ANKFN1: variants seen among roughly 807,000 people sequenced by gnomAD.
ANKFN1 encodes the protein ankyrin repeat and fibronectin type III domain containing 1.
ANKFN1 carries 74 observed loss-of-function variants against 108.7 expected under a neutral mutation model. The ratio of observed to expected loss-of-function variants is 0.68; its 90% CI spans 0.56 to 0.83. The LOEUF is 0.83. Among genes scored for constraint, ANKFN1 ranks in the 40% least tolerant of loss-of-function variants. ANKFN1 has a pLI of 0.00. For synonymous variants in ANKFN1, 547 were observed against 516.2 expected, an observed-to-expected ratio of 1.06 and a Z score of -0.81; for missense variants, 1,505 against 1,382.3, an observed-to-expected ratio of 1.09 and a Z score of -1.41.
intron 8 of ANKFN1, among the ~76,000 whole-genome samples, chr17:56,420,699 T>C (rs567838892): frequency 7.2e-4 from 109 of 150,612 alleles, no homozygotes; most frequent in African/African-American, 2.5e-3. Context: ...TTTTTTTTTT[T>C]TTTTATTGTT....
At chr17:56,486,813 T>TGTGAATTATGG (rs2050872333) in intron 18 of ANKFN1, among the ~76,000 whole-genome samples, 1 of 152,348 alleles carries the variant, frequency 6.6e-6, no homozygotes, top group East Asian at 1.9e-4. Context: ...TATGGGAATA[T>TGTGAATTATGG]GTAAATTATA....
intron 4 of ANKFN1, among the ~76,000 whole-genome samples, chr17:56,145,597 T>C (rs1027075018): frequency 5.3e-5 from 8 of 152,122 alleles, no homozygotes; most frequent in Admixed American, 6.6e-5. Context: ...ACCACCCCCA[T>C]GATTCAATTA....
chr17:56,352,824 A>G (rs2046279444), intron 5 of ANKFN1, among the ~76,000 whole-genome samples: 1 of 152,184 alleles, frequency 6.6e-6, no homozygotes, highest in African/African-American at 2.4e-5. Context: ...AGTAACATGT[A>G]ACATGTATAT....
At chr17:56,203,855 GC>G (rs933116862) in intron 1 of ANKFN1, among the ~76,000 whole-genome samples, 4 of 152,060 alleles carry the variant, frequency 2.6e-5, no homozygotes, top group African/African-American at 9.7e-5. Flanking sequence ...CTAGCCCGGG[GC>G]ATCTATTTTT....
At chr17:56,174,499 G>A (rs1910951688) in intron 1 of ANKFN1, 1 of 823,708 alleles carries the variant, frequency 1.2e-6, no homozygotes, top group African/African-American at 1.9e-5. Context: ...CCCCTCCATG[G>A]AGTCTCTCTG....
intron 8 of ANKFN1, among the ~76,000 whole-genome samples, chr17:56,408,385 A>C (rs2047985950): frequency 6.6e-6 from 1 of 152,076 alleles, no homozygotes; most frequent in South Asian, 2.1e-4. Context: ...TCTTCGAGAC[A>C]CTCTAGTTAA....
intron 4 of ANKFN1, among the ~76,000 whole-genome samples, chr17:56,120,565 A>G (rs1268405874): frequency 6.6e-6 from 1 of 152,156 alleles, no homozygotes; most frequent in African/African-American, 2.4e-5. Context: ...AAAAATGCCC[A>G]CCTGATTACT....
intron 8 of ANKFN1, among the ~76,000 whole-genome samples, chr17:56,402,867 G>A (rs1173660894): frequency 6.6e-6 from 1 of 151,998 alleles, no homozygotes; most frequent in African/African-American, 2.4e-5. Flanking sequence ...TCTTAGCACC[G>A]CCTTGCTGTA....
chr17:56,414,771 G>C (rs1164251993), intron 8 of ANKFN1, among the ~76,000 whole-genome samples: 1 of 152,150 alleles, frequency 6.6e-6, no homozygotes, highest in Non-Finnish European at 1.5e-5. Flanking sequence ...TTTAATCCCA[G>C]CATTTGGAAG....
chr17:56,369,181 A>AT (rs1050221113), intron 6 of ANKFN1, among the ~76,000 whole-genome samples: 1 of 151,958 alleles, frequency 6.6e-6, no homozygotes, highest in Non-Finnish European at 1.5e-5. Context: ...TTGTTTGCAC[A>AT]TTTTTTTTAA....
intron 3 of ANKFN1, among the ~76,000 whole-genome samples, chr17:56,300,090 C>T (rs566755083): frequency 7.9e-5 from 12 of 152,278 alleles, no homozygotes; most frequent in Middle Eastern, 3.4e-3. Context: ...CATGGAGCTC[C>T]GTGTTTTCAC....
At chr17:56,441,058 A>T (rs1436011289) in intron 9 of ANKFN1, among the ~76,000 whole-genome samples, 1 of 152,194 alleles carries the variant, frequency 6.6e-6, no homozygotes, top group Non-Finnish European at 1.5e-5. Flanking sequence ...AATTATGAAC[A>T]TATGAGCATA....
rs760293804 is a variant in ANKFN1 at position 56,064,003 on chromosome 17, GT to G, written c.288+17679del. Among the ~76,000 whole-genome samples the G allele has an allele frequency of 1.8e-4, 28 of 152,280 alleles. No individual in the cohort carries two copies. The East Asian group carries it at 2.1e-3, about 12-fold the overall frequency. On this transcript the variant is annotated intron_variant, in intron 4 of 12. Transcript: ENST00000635860. ...CTTTCAATGGCCAGGTCCCTCTTCT[GT>G]AGGGCTGCTGCAGTTTGTTGGGGGT... is the stretch of plus-strand genomic sequence containing the variant.
chr17:56,415,907 C>T (rs997291680), intron 8 of ANKFN1, among the ~76,000 whole-genome samples: 19 of 152,006 alleles, frequency 1.2e-4, no homozygotes, highest in Admixed American at 2.0e-4. Flanking sequence ...AGAAACAAAT[C>T]GATACACCTA....
intron 2 of ANKFN1, among the ~76,000 whole-genome samples, chr17:56,213,052 T>A (rs947508431): frequency 2.6e-5 from 4 of 152,208 alleles, no homozygotes; most frequent in African/African-American, 9.6e-5. Flanking sequence ...AGGATTGAGA[T>A]GCTAATCCTT....
chr17:56,425,127 T>TAAA (rs59432133), intron 8 of ANKFN1, among the ~76,000 whole-genome samples: 18 of 139,876 alleles, frequency 1.3e-4, no homozygotes, highest in African/African-American at 4.4e-4. Context: ...AGCTCTTAGT[T>TAAA]AAAAAAAAAA....
intron 8 of ANKFN1, among the ~76,000 whole-genome samples, chr17:56,406,659 G>A (rs913540309): frequency 7.9e-5 from 12 of 152,164 alleles, no homozygotes; most frequent in African/African-American, 2.9e-4. Context: ...TATCCATTGC[G>A]ACTCCAGGAT....
At chr17:56,299,009 C>T (rs1365334684) in intron 3 of ANKFN1, among the ~76,000 whole-genome samples, 1 of 152,204 alleles carries the variant, frequency 6.6e-6, no homozygotes, top group Non-Finnish European at 1.5e-5. Context: ...TGAGTCCCAG[C>T]CAACAAGGCA....
intron 4 of ANKFN1, among the ~76,000 whole-genome samples, chr17:56,112,692 A>G (rs1906034131): frequency 6.6e-6 from 1 of 152,194 alleles, no homozygotes; most frequent in South Asian, 2.1e-4. Flanking sequence ...TTTGGTCTGC[A>G]ACAAGCTTTT....
Sources: allele counts gnomAD v4.1 joint callset (sites outside exome capture counted in the v4.1 genomes callset), GRCh38; gene constraint gnomAD v4.1.1; transcripts MANE v1.5; gene names NCBI Gene and HGNC (gene_info 2026-07-23, HGNC 2026-07-21).